Variants in PTPN13 observed in about 807,000 individuals in gnomAD.
PTPN13 encodes the protein protein tyrosine phosphatase non-receptor type 13.
A neutral mutation model predicts 284.0 loss-of-function variants in PTPN13; 191 were observed. The observed-to-expected ratio is 0.67, with a 90% CI of 0.60 to 0.76. PTPN13 has a LOEUF of 0.76. PTPN13 is among the 30% of genes least tolerant of loss of function. PTPN13 has a pLI of 0.00. For synonymous variants in PTPN13, 986 were observed against 1,022.3 expected, an observed-to-expected ratio of 0.96 and a Z score of 0.68; for missense variants, 2,797 against 2,939.9, an observed-to-expected ratio of 0.95 and a Z score of 1.12.
chr4:86,688,934 G>C, intron 4 of PTPN13, 71 bp from the exon 5 acceptor site: 2 of 1,248,592 alleles, frequency 1.6e-6, no homozygotes, highest in African/African-American at 3.0e-5. Flanking sequence ...GTGATTCCTA[G>C]AATGATTTGT....
At chr4:86,678,956 C>G (rs1728594409) in intron 3 of PTPN13, among the ~76,000 whole-genome samples, 1 of 152,144 alleles carries the variant, frequency 6.6e-6, no homozygotes, top group Non-Finnish European at 1.5e-5. Context: ...TTTTGAAAAC[C>G]CATATATAAT....
intron 2 of PTPN13, among the ~76,000 whole-genome samples, chr4:86,636,501 AAAGCCTGACAGAAAT>A (rs1723036999): frequency 6.6e-6 from 1 of 152,212 alleles, no homozygotes; most frequent in South Asian, 2.1e-4. Context: ...CAGACACAAA[AAAGCCTGACAGAAAT>A]AAGTAAGGAT....
chr4:86,742,367 G>T (rs1736259567), intron 16 of PTPN13, among the ~76,000 whole-genome samples: 1 of 152,204 alleles, frequency 6.6e-6, no homozygotes. Context: ...AAGATAGTTA[G>T]TGATAAAGGC....
At position 86,764,747 on chromosome 4, in the gene PTPN13, A is replaced by G. The variant is rs189667950; in HGVS notation, c.4149+23A>G. The G allele has an allele frequency of 3.8e-6, 6 of 1,586,640 alleles. No individual in the cohort carries two copies. In the South Asian group the frequency reaches 6.0e-5, roughly 16 times the overall value. ...ACGGTACTGTTTGACAAGGTTTTCA[A>G]ATGTTTTCTCTTCTTTAATTTCCAG... On this transcript the variant is annotated intron_variant, in intron 25 of 47. Coordinates refer to ENST00000411767, the MANE Select transcript of PTPN13 (RefSeq NM_080683.3).
chr4:86,662,946 T>G (rs1247955797), intron 2 of PTPN13, among the ~76,000 whole-genome samples: 1 of 152,100 alleles, frequency 6.6e-6, no homozygotes, highest in African/African-American at 2.4e-5. Flanking sequence ...GCCCAGAAGT[T>G]TGAGGATGCA....
At chr4:86,785,165 C>T in intron 38 of PTPN13, 66 bp from the exon 39 acceptor site, 1 of 1,249,552 alleles carries the variant, frequency 8.0e-7, no homozygotes, top group Non-Finnish European at 1.1e-6. Context: ...TTCTGTTTAA[C>T]ACCTTGTCCC....
chr4:86,762,337 A>G (rs571814831), intron 23 of PTPN13, among the ~76,000 whole-genome samples: 15 of 152,298 alleles, frequency 9.8e-5, no homozygotes, highest in South Asian at 8.3e-4. Context: ...CTTCCATGAT[A>G]ATCACTTGGA....
chr4:86,768,012 T>C, intron 28 of PTPN13, 36 bp downstream of exon 28: 1 of 1,578,980 alleles, frequency 6.3e-7, no homozygotes, highest in Non-Finnish European at 8.6e-7. Flanking sequence ...CACCTTTAAA[T>C]TATTCCTCGC....
At position 86,734,802 on chromosome 4, in the gene PTPN13, A is replaced by G; in HGVS notation, c.2078A>G (p.His693Arg). ...LRKDILEERM[H>R]CDDETSLLLA... ...AAAGATATTTTGGAGGAAAGGATGC[A>G]CTGTGATGATGAGACTTCCTTATTG... is the stretch of plus-strand genomic sequence containing the variant. The change falls in exon 14 of 48, where the codon CAC (histidine) becomes CGC (arginine). Residue 693 changes from histidine (H) to arginine (R), a missense_variant. Transcript: ENST00000411767. 6.2e-7 allele frequency: 1 copy of G among 1,613,522 alleles called. No individual in the cohort carries two copies. Among genetic ancestry groups the G allele is most frequent in the Non-Finnish European group, 8.5e-7 (1 of 1,179,564 alleles).
chr4:86,630,367 A>G (rs1174818871), intron 1 of PTPN13, among the ~76,000 whole-genome samples: 1 of 152,136 alleles, frequency 6.6e-6, no homozygotes, highest in African/African-American at 2.4e-5. Context: ...GGCATTTTGT[A>G]TGTTTTAAAA....
At chr4:86,636,917 T>G (rs1411442637) in intron 2 of PTPN13, among the ~76,000 whole-genome samples, 2 of 151,164 alleles carry the variant, frequency 1.3e-5, no homozygotes, top group African/African-American at 4.9e-5. Context: ...ATCAACAAAA[T>G]TGATAGACCG....
At chr4:86,763,225 T>G (rs765446721) in intron 24 of PTPN13, 35 bp downstream of exon 24, 160 of 1,534,034 alleles carry the variant, frequency 1.0e-4, no homozygotes, top group Non-Finnish European at 1.4e-4. Flanking sequence ...GTTTTCTCAT[T>G]TAACAAAGCA....
At chr4:86,697,784 G>A (rs1405844264) in intron 6 of PTPN13, among the ~76,000 whole-genome samples, 2 of 152,134 alleles carry the variant, frequency 1.3e-5, no homozygotes, top group Non-Finnish European at 2.9e-5. Context: ...TCTAAGAGAT[G>A]TGAATTTTTG....
intron 23 of PTPN13, among the ~76,000 whole-genome samples, chr4:86,761,105 G>A (rs1738610554): frequency 1.4e-5 from 2 of 138,160 alleles, no homozygotes; most frequent in Non-Finnish European, 3.1e-5. Flanking sequence ...CTTCTGTGTA[G>A]AATAGATATA....
At chr4:86,794,253 C>A (rs1714787602) in intron 40 of PTPN13, among the ~76,000 whole-genome samples, 1 of 149,988 alleles carries the variant, frequency 6.7e-6, no homozygotes, top group African/African-American at 2.5e-5. Context: ...TTCATATACA[C>A]CAACAGTAGA....
chr4:86,746,002 A>G (rs940091888), intron 17 of PTPN13, among the ~76,000 whole-genome samples: 3 of 152,178 alleles, frequency 2.0e-5, no homozygotes, highest in African/African-American at 7.2e-5. Flanking sequence ...ATGCACCCAG[A>G]ACAGGACAGT....
intron 2 of PTPN13, among the ~76,000 whole-genome samples, chr4:86,649,714 T>C (rs2148799656): frequency 6.6e-6 from 1 of 152,326 alleles, no homozygotes; most frequent in South Asian, 2.1e-4. Flanking sequence ...ATTCTGGGTC[T>C]TTTGTGACTC....
chr4:86,672,090 A>G (rs1188031048), intron 2 of PTPN13, among the ~76,000 whole-genome samples: 2 of 152,226 alleles, frequency 1.3e-5, no homozygotes. Context: ...CTTAAGAACA[A>G]TGAAAGGGCT....
intron 3 of PTPN13, among the ~76,000 whole-genome samples, chr4:86,683,890 A>G (rs1004196783): frequency 6.6e-6 from 1 of 152,210 alleles, no homozygotes; most frequent in African/African-American, 2.4e-5. Context: ...TGCTAAAACT[A>G]TGAAAAATGT....
Sources: gnomAD v4.1 joint callset for allele counts (sites outside exome capture counted in the v4.1 genomes callset) on GRCh38, gnomAD v4.1.1 for gene constraint, MANE v1.5 for transcripts, NCBI Gene and HGNC (gene_info 2026-07-23, HGNC 2026-07-21) for gene names.